Variants in DISP3 observed in about 807,000 individuals in gnomAD.
DISP3 encodes protein dispatched homolog 3.
Under a neutral mutation model 135.3 loss-of-function variants are expected in DISP3, and 101 were observed. The observed-to-expected ratio is 0.75, with a 90% CI of 0.64 to 0.88. The LOEUF (loss-of-function observed/expected upper bound fraction) is 0.88, where lower values mean the gene tolerates loss of function less well. Ranked by LOEUF, DISP3 falls within the 40% of genes least tolerant of loss-of-function variation. The pLI is 0.00. For missense variants in DISP3, 1,713 were observed against 1,878.6 expected, an observed-to-expected ratio of 0.91 and a Z score of 1.63; for synonymous variants, 856 against 817.0, an observed-to-expected ratio of 1.05 and a Z score of -0.81.
At position 11,501,864 on chromosome 1, in the gene DISP3, C is replaced by G. The variant is rs536746226; in HGVS notation, c.872C>G (p.Thr291Ser). 5.6e-6 allele frequency: 9 copies of G among 1,613,054 alleles called. No homozygotes were observed. The highest frequency in any genetic ancestry group is 1.1e-5 in the South Asian group (1 of 91,006). The change falls in exon 2 of 21, where the codon ACC becomes AGC. Residue 291 changes from threonine to serine, a missense_variant. Transcript: ENST00000294484. The surrounding 1 kb of genome is among the most constrained non-coding windows in gnomAD (Gnocchi z 4.9). ...GGCGACGCGGAGCGCAACATTTTCA[C>G]CAGTGAGCGCCTGGTCACGATCCAT... The part of the protein sequence containing the change: ...ARGDAERNIF[T>S]SERLVTIHEI...
intron 3 of DISP3, among the ~76,000 whole-genome samples, chr1:11,510,609 T>TTTCAGTGTTTTTTGGTTC (rs59899154): frequency 6.6e-6 from 1 of 151,930 alleles, no homozygotes; most frequent in Non-Finnish European, 1.5e-5. Context: ...TCATTACCAT[T>TTTCAGTGTTTTTTGGTTC]TTTGTATAGA....
intron 1 of DISP3, chr1:11,482,071 C>T (rs977814631): frequency 1.3e-5 from 2 of 152,166 alleles, no homozygotes; most frequent in African/African-American, 4.8e-5. Flanking sequence ...ATCTCATGAT[C>T]GCCAGGTCCT....
chr1:11,498,636 T>C (rs1363801986), intron 1 of DISP3, among the ~76,000 whole-genome samples: 1 of 152,162 alleles, frequency 6.6e-6, no homozygotes, highest in African/African-American at 2.4e-5. Context: ...ATGGCAGATA[T>C]TGTTGCAGCC....
chr1:11,522,124 A>T (rs1404639447), intron 10 of DISP3, among the ~76,000 whole-genome samples: 1 of 152,080 alleles, frequency 6.6e-6, no homozygotes, highest in Non-Finnish European at 1.5e-5. Context: ...ATTTTGAGGT[A>T]GCTGGCCCAG....
intron 1 of DISP3, chr1:11,481,576 G>T (rs1640905501): frequency 1.3e-5 from 2 of 152,320 alleles, no homozygotes; most frequent in African/African-American, 4.8e-5. Flanking sequence ...TGGAAGTGAG[G>T]GGACCTGGAT....
At chr1:11,514,988 T>C (rs190142082) in intron 4 of DISP3, among the ~76,000 whole-genome samples, 24 of 152,258 alleles carry the variant, frequency 1.6e-4, no homozygotes, top group Admixed American at 1.2e-3. Flanking sequence ...GACAAGACAA[T>C]GGTAATACTT....
chr1:11,503,743 C>G (rs1641621091), intron 3 of DISP3, among the ~76,000 whole-genome samples: 1 of 152,194 alleles, frequency 6.6e-6, no homozygotes, highest in Non-Finnish European at 1.5e-5. Context: ...CTTAATCCAA[C>G]CACATTGACA....
intron 3 of DISP3, among the ~76,000 whole-genome samples, chr1:11,506,149 A>T (rs1192234852): frequency 1.3e-5 from 2 of 152,148 alleles, no homozygotes; most frequent in African/African-American, 4.8e-5. Flanking sequence ...TGCCATTAAA[A>T]ATTCTCTTTT....
chr1:11,536,350 T>G lies in DISP3; in HGVS notation c.3843T>G (p.Arg1281=), dbSNP rs1262329228. The change falls in exon 21 of 21, where the codon CGT becomes CGG. Residue 1281 remains arginine (R), a synonymous_variant. Transcript: ENST00000294484. This position sits in a 1 kb window ranked among gnomAD's most constrained non-coding sequence, Gnocchi z 4.3. ...ACGCCCGAACGCAGCGCCAGTGGCG[T>G]ACGCTGGAGGCCGTGCGGCACGTGG... ...AEDARTQRQW[R]TLEAVRHVGV... The G allele has an allele frequency of 1.2e-6, 2 of 1,604,358 alleles. No individual in the cohort carries two copies.
rs937195439 is a variant in DISP3 at position 11,519,699 on chromosome 1, C to T, written c.2039-20C>T. The T allele has an allele frequency of 2.5e-6, 4 of 1,607,840 alleles. No homozygotes were observed. In the African/African-American group the frequency reaches 5.3e-5, roughly 21 times the overall value. On this transcript the variant is annotated intron_variant, in intron 8 of 20. Coordinates refer to ENST00000294484, the MANE Select transcript of DISP3 (RefSeq NM_020780.2). The surrounding 1 kb of genome is among the most constrained non-coding windows in gnomAD (Gnocchi z 4.3). ...GGGCTTTGATTCAGGCTCTGACGGGCCACTGCTCTGCCCTGGCAGTGTCAC... is the reference window on the plus strand; with the variant it reads ...GGGCTTTGATTCAGGCTCTGACGGGTCACTGCTCTGCCCTGGCAGTGTCAC...
At position 11,526,686 on chromosome 1, in the gene DISP3, G is replaced by A. The variant is rs757381752; in HGVS notation, c.2649G>A (p.Lys883=). The A allele has an allele frequency of 6.2e-7, 1 of 1,614,038 alleles. No homozygotes were observed. Among genetic ancestry groups the A allele is most frequent in the Non-Finnish European group, 8.5e-7 (1 of 1,180,010 alleles). The change falls in exon 13 of 21, where the codon AAG becomes AAA. Residue 883 remains lysine, a synonymous_variant. Coordinates refer to ENST00000294484, the MANE Select transcript of DISP3 (RefSeq NM_020780.2). ...YRAPFGNFTK[K]LTACMSTVGL... ...CGCCTTTTGGTAACTTCACCAAGAA[G>A]CTGACCGCTTGTATGTCTACAGTAG... is the stretch of plus-strand genomic sequence containing the variant.
Position 11,519,493 on chromosome 1 carries a change from G to C in DISP3, c.2028G>C (p.Glu676Asp), listed in dbSNP as rs1172926662. Reference sequence around the variant, plus strand: ...ATGACATCCCCTTGCTGGAGGTCGAGGAAGAGCCAGGTGAGAGCTGGCACA... The same window carrying C: ...ATGACATCCCCTTGCTGGAGGTCGACGAAGAGCCAGGTGAGAGCTGGCACA... ...LDDDIPLLEV[E>D]EEPVSLELGD... Residue 676 changes from glutamate (E) to aspartate (D), a missense_variant, in exon 8 of 21, where the codon GAG (glutamate) becomes GAC (aspartate). By Grantham distance (45) the Glu-to-Asp change is conservative. Coordinates refer to ENST00000294484, the MANE Select transcript of DISP3 (RefSeq NM_020780.2). This position sits in a 1 kb window ranked among gnomAD's most constrained non-coding sequence, Gnocchi z 4.3. 1.2e-6 allele frequency: 2 copies of C among 1,613,488 alleles called. No homozygotes were observed. The highest frequency in any genetic ancestry group is 2.2e-5 in the South Asian group (2 of 91,078).
intron 17 of DISP3, chr1:11,533,904 C>T (rs1467507559): frequency 2.8e-6 from 2 of 715,026 alleles, no homozygotes; most frequent in Admixed American, 4.0e-5. Flanking sequence ...CAGGCTGCTC[C>T]TGCCCTTGCA....
rs751266931 is a variant in DISP3 at position 11,524,074 on chromosome 1, G to A, written c.2476+19G>A. On this transcript the variant is annotated intron_variant, in intron 11 of 20. Coordinates refer to ENST00000294484, the MANE Select transcript of DISP3 (RefSeq NM_020780.2). ...CTGCAGGGTGAGCACTGGGGGTGGAGGGTGGGGAAATCCTCCCTGGTGCTA... is the reference window on the plus strand; with the variant it reads ...CTGCAGGGTGAGCACTGGGGGTGGAAGGTGGGGAAATCCTCCCTGGTGCTA... 42 of 1,571,532 alleles carry A rather than the reference G, an allele frequency of 2.7e-5. No homozygotes were observed. The highest frequency in any genetic ancestry group is 9.5e-5 in the African/African-American group (7 of 73,882).
chr1:11,487,974 G>A (rs1276319367), intron 1 of DISP3, among the ~76,000 whole-genome samples: 1 of 152,174 alleles, frequency 6.6e-6, no homozygotes, highest in Admixed American at 6.5e-5. Context: ...AATAGACGGA[G>A]CCCCGTTATC....
chr1:11,502,930 G>A (rs1390852559), intron 3 of DISP3, 33 bp downstream of exon 3: 2 of 1,546,542 alleles, frequency 1.3e-6, no homozygotes, highest in East Asian at 2.3e-5. Flanking sequence ...GTGTGTGCAT[G>A]CCCATTTTTG....
rs1642703074 is a variant in DISP3, at chr1:11,536,258, T to A, written c.3817-66T>A. 2.6e-6 allele frequency: 4 copies of A among 1,532,382 alleles called. No individual in the cohort carries two copies. The Admixed American group carries it at 5.6e-5, about 22-fold the overall frequency. The allele number at this position is 1,532,382 out of a possible 1,614,324, so 94.9% of individuals were successfully genotyped here. A position where few individuals can be genotyped will look rare whatever the true frequency, so the allele number is the denominator to read the frequency against. ...CTGGCGTGGGGTGGGGGTGCGTGATTCCCCAGGTGCTGGCCAGAGGGGTCC... is the reference window on the plus strand; with the variant it reads ...CTGGCGTGGGGTGGGGGTGCGTGATACCCCAGGTGCTGGCCAGAGGGGTCC... On this transcript the variant is annotated intron_variant, in intron 20 of 20. Transcript: ENST00000294484. This position sits in a 1 kb window ranked among gnomAD's most constrained non-coding sequence, Gnocchi z 4.3.
chr1:11,497,883 C>T (rs757107644), intron 1 of DISP3, among the ~76,000 whole-genome samples: 1 of 152,198 alleles, frequency 6.6e-6, no homozygotes, highest in Non-Finnish European at 1.5e-5. Flanking sequence ...CCAAGTTCAT[C>T]GGAGACTCCT....
intron 1 of DISP3, among the ~76,000 whole-genome samples, chr1:11,490,284 T>G (rs923508373): frequency 6.6e-6 from 1 of 152,154 alleles, no homozygotes; most frequent in African/African-American, 2.4e-5. Context: ...TTTTTGTTTT[T>G]GGGATGATGT....
Sources: allele counts gnomAD v4.1 joint callset (sites outside exome capture counted in the v4.1 genomes callset), GRCh38; gene constraint gnomAD v4.1.1; non-coding constraint Gnocchi (gnomAD v3.1); transcripts MANE v1.5; gene names NCBI Gene and HGNC (gene_info 2026-07-23, HGNC 2026-07-21).